The following DCC variants were observed in gnomAD, a reference collection of about 807,000 sequenced individuals.
The protein encoded by DCC is DCC netrin 1 receptor.
A neutral mutation model predicts 172.5 loss-of-function variants in DCC; 58 were observed. The observed-to-expected ratio is 0.34, with a 90% CI of 0.27 to 0.42. The LOEUF (loss-of-function observed/expected upper bound fraction) is 0.42, where lower values mean the gene tolerates loss of function less well. DCC is among the 10% of genes least tolerant of loss of function. DCC has a pLI of 1.00. For synonymous variants in DCC, 709 were observed against 644.5 expected (o/e 1.10, Z -1.52); for missense variants, 1,740 against 1,791.0 (o/e 0.97, Z 0.51).
intron 1 of DCC, among the ~76,000 whole-genome samples, chr18:52,373,593 C>T (rs2144304555): frequency 6.6e-6 from 1 of 152,228 alleles, no homozygotes; most frequent in Non-Finnish European, 1.5e-5. Context: ...GGTGGGTGGG[C>T]ATTCTCTTTT....
intron 1 of DCC, among the ~76,000 whole-genome samples, chr18:52,708,318 T>G (rs1181582666): frequency 6.6e-6 from 1 of 151,804 alleles, no homozygotes; most frequent in Non-Finnish European, 1.5e-5. Flanking sequence ...GGCGGGCGCC[T>G]GTAGTCCCAG....
At chr18:52,692,362 C>T (rs957873236) in intron 1 of DCC, among the ~76,000 whole-genome samples, 1 of 152,152 alleles carries the variant, frequency 6.6e-6, no homozygotes, top group Admixed American at 6.6e-5. Flanking sequence ...ACCTCCTAAA[C>T]CTCTGCCCTA....
intron 12 of DCC, among the ~76,000 whole-genome samples, chr18:53,217,310 TACACAC>T (rs34151927): frequency 0.029 from 4,345 of 148,496 alleles, 161 homozygotes; most frequent in African/African-American, 0.082. Flanking sequence ...CATATGTATA[TACACAC>T]ACACACACAC....
At chr18:53,488,129 A>T (rs1171793088) in intron 26 of DCC, among the ~76,000 whole-genome samples, 1 of 152,222 alleles carries the variant, frequency 6.6e-6, no homozygotes, top group Admixed American at 6.5e-5. Flanking sequence ...ACATGAAAAG[A>T]ATGTGTAGAC....
intron 22 of DCC, among the ~76,000 whole-genome samples, chr18:53,440,177 G>A (rs11872815): frequency 0.43 from 65,870 of 152,024 alleles, 16,183 homozygotes; most frequent in Non-Finnish European, 0.57. Flanking sequence ...TATAAATGAC[G>A]GAACTATGAA....
At chr18:53,502,246 C>G (rs549622523) in intron 27 of DCC, among the ~76,000 whole-genome samples, 2 of 152,234 alleles carry the variant, frequency 1.3e-5, no homozygotes, top group East Asian at 3.9e-4. Flanking sequence ...TCCTCTCCCC[C>G]ACTCAACTGG....
intron 25 of DCC, among the ~76,000 whole-genome samples, chr18:53,484,002 GA>G: frequency 7.0e-6 from 1 of 142,142 alleles, no homozygotes; most frequent in Non-Finnish European, 1.6e-5. Flanking sequence ...TAGATAGATA[GA>G]TAGATAGATA....
chr18:53,328,984 C>A lies in DCC; in HGVS notation c.2164+6827C>A, dbSNP rs189063611. 1.8e-4 allele frequency among the ~76,000 whole-genome samples: 28 copies of A among 152,226 alleles called. No individual in the cohort carries two copies. The East Asian group carries it at 5.4e-3, about 29-fold the overall frequency. On this transcript the variant is annotated intron_variant, in intron 14 of 28. Coordinates refer to ENST00000442544, the MANE Select transcript of DCC (RefSeq NM_005215.4). Reference sequence around the variant, plus strand: ...GTCTACATTTAGGGAACAGATGTATCCATTTCTGTTACAAAAGGAGAGTGT... The same window carrying A: ...GTCTACATTTAGGGAACAGATGTATACATTTCTGTTACAAAAGGAGAGTGT...
chr18:53,070,323 C>T (rs1194082797), intron 7 of DCC, among the ~76,000 whole-genome samples: 1 of 152,094 alleles, frequency 6.6e-6, no homozygotes, highest in Non-Finnish European at 1.5e-5. Flanking sequence ...AAATACTTAC[C>T]TCACCCCAGG....
intron 3 of DCC, among the ~76,000 whole-genome samples, chr18:52,917,924 A>C (rs1210239393): frequency 6.6e-6 from 1 of 152,220 alleles, no homozygotes; most frequent in African/African-American, 2.4e-5. Context: ...CATGAGCATC[A>C]CATTAAAGAG....
At chr18:52,769,667 C>G (rs1249824170) in intron 2 of DCC, among the ~76,000 whole-genome samples, 2 of 152,170 alleles carry the variant, frequency 1.3e-5, no homozygotes, top group Admixed American at 6.5e-5. Flanking sequence ...TCTCTATACC[C>G]AAGATCATTT....
At chr18:53,280,642 AT>A (rs201994541) in intron 12 of DCC, among the ~76,000 whole-genome samples, 7 of 151,462 alleles carry the variant, frequency 4.6e-5, no homozygotes, top group African/African-American at 1.7e-4. Flanking sequence ...GGTATGAAAT[AT>A]TTTTTTTTCT....
intron 5 of DCC, among the ~76,000 whole-genome samples, chr18:53,053,685 C>T (rs77447572): frequency 0.01 from 1,549 of 152,198 alleles, 19 homozygotes; most frequent in Non-Finnish European, 0.017. Context: ...ACAGGGAATA[C>T]TAGAAAATAT....
At chr18:53,310,760 A>G (rs1159799240) in intron 13 of DCC, among the ~76,000 whole-genome samples, 1 of 152,184 alleles carries the variant, frequency 6.6e-6, no homozygotes, top group Non-Finnish European at 1.5e-5. Flanking sequence ...ATTTTATAAC[A>G]GGGCTAACAT....
At chr18:52,843,295 A>AT (rs1287217834) in intron 2 of DCC, among the ~76,000 whole-genome samples, 6 of 152,186 alleles carry the variant, frequency 3.9e-5, no homozygotes, top group South Asian at 2.1e-4. Context: ...TATATGAATA[A>AT]TTTTTTTACC....
Position 53,460,505 on chromosome 18 carries a change from C to T in DCC, c.3619+1047C>T, listed in dbSNP as rs577165638. 5.8e-3 allele frequency among the ~76,000 whole-genome samples: 809 copies of T among 138,966 alleles called. 8 individuals carry two copies. Among genetic ancestry groups the T allele is most frequent in the Middle Eastern group, 0.05 (12 of 238 alleles). The allele number at this position is 138,966 out of a possible 152,430, so 91.2% of individuals were successfully genotyped here. A position where few individuals can be genotyped will look rare whatever the true frequency, so the allele number is the denominator to read the frequency against. ...GTCCATGTGTTCTCATTGTTCAATT[C>T]CCACCTATAAGTGAGAATATGTGGT... On this transcript the variant is annotated intron_variant, in intron 24 of 28. Transcript: ENST00000442544.
intron 2 of DCC, among the ~76,000 whole-genome samples, chr18:52,821,558 A>T (rs2038407429): frequency 6.6e-6 from 1 of 152,098 alleles, no homozygotes. Context: ...GCCCCCTTCA[A>T]TGAGGCTTTT....
At position 53,339,758 on chromosome 18, in the gene DCC, A is replaced by G. The variant is rs747872108; in HGVS notation, c.2210A>G (p.Gln737Arg). The G allele has an allele frequency of 1.9e-6, 3 of 1,613,970 alleles. No individual in the cohort carries two copies. The South Asian group carries it at 3.3e-5, about 18-fold the overall frequency. Residue 737 changes from glutamine (Q) to arginine (R), a missense_variant, in exon 15 of 29, where the codon CAG becomes CGG. Physicochemically the swap from Gln to Arg is conservative, Grantham distance 43. Around this residue, in one of 2 missense-constraint regions of DCC, gnomAD observed 1,732 missense variants for 1,767.4 expected, o/e 0.98. Coordinates refer to ENST00000442544, the MANE Select transcript of DCC (RefSeq NM_005215.4). ...CCAAGCTCTCTTCATGTGAGGCCCC[A>G]GACTAACTGCATCATCATGAGTTGG... is the stretch of plus-strand genomic sequence containing the variant. The part of the protein sequence containing the change: ...DQPSSLHVRP[Q>R]TNCIIMSWTP...
At chr18:53,451,327 A>G (rs920066056) in intron 23 of DCC, among the ~76,000 whole-genome samples, 2 of 152,208 alleles carry the variant, frequency 1.3e-5, no homozygotes, top group African/African-American at 4.8e-5. Context: ...CAAAGTTTAA[A>G]ATGGAAAAGT....
Sources: allele counts gnomAD v4.1 joint callset (sites outside exome capture counted in the v4.1 genomes callset), GRCh38; gene constraint gnomAD v4.1.1; regional missense constraint gnomAD v4.1.1; transcripts MANE v1.5; gene names NCBI Gene and HGNC (gene_info 2026-07-23, HGNC 2026-07-21).